Variants in CDH22 observed in about 807,000 individuals in gnomAD.
CDH22 encodes the protein cadherin-22.
A neutral mutation model predicts 58.4 loss-of-function variants in CDH22; 30 were observed. The ratio of observed to expected loss-of-function variants is 0.51; its 90% CI spans 0.38 to 0.70. The LOEUF (loss-of-function observed/expected upper bound fraction) is 0.70, where lower values mean the gene tolerates loss of function less well. CDH22 is among the 30% of genes least tolerant of loss of function. CDH22 has a pLI of 0.00. For synonymous variants in CDH22, 513 were observed against 558.2 expected (o/e 0.92, Z 1.14); for missense variants, 1,014 against 1,233.9 (o/e 0.82, Z 2.67).
chr20:46,261,437 A>C (rs983001906), intron 1 of CDH22, among the ~76,000 whole-genome samples: 7 of 152,224 alleles, frequency 4.6e-5, no homozygotes, highest in African/African-American at 1.7e-4. Context: ...GCCTGAGTCA[A>C]GAAGAGTGAA....
intron 11 of CDH22, 121 bp downstream of exon 11, chr20:46,177,825 G>C: frequency 7.8e-7 from 1 of 1,278,600 alleles, no homozygotes; most frequent in South Asian, 1.4e-5. Flanking sequence ...GAGATGGTTT[G>C]GCCAGCCCAT....
At chr20:46,180,916 A>G (rs1254860077) in intron 10 of CDH22, among the ~76,000 whole-genome samples, 3 of 133,592 alleles carry the variant, frequency 2.2e-5, no homozygotes, top group African/African-American at 8.8e-5. Flanking sequence ...TTTAATTTTT[A>G]AAGTTTGTTT....
intron 7 of CDH22, among the ~76,000 whole-genome samples, chr20:46,206,826 C>T (rs191866288): frequency 6.6e-6 from 1 of 152,334 alleles, no homozygotes; most frequent in East Asian, 1.9e-4. Context: ...TCTCTGCTTC[C>T]TCACTGCACA....
At chr20:46,223,699 TTC>T (rs1263736836) in intron 4 of CDH22, among the ~76,000 whole-genome samples, 1,267 of 75,350 alleles carry the variant, frequency 0.017, 9 homozygotes, top group Admixed American at 0.027. Context: ...CTTTCTTTCT[TTC>T]TTTCTTTCTT....
Position 46,174,854 on chromosome 20 carries a change from G to T in CDH22, c.2139C>A (p.Gly713=), listed in dbSNP as rs2085725838. The change falls in exon 12 of 12, where the codon GGC becomes GGA. Residue 713 remains glycine, a synonymous_variant. Coordinates refer to ENST00000537909, the MANE Select transcript of CDH22 (RefSeq NM_021248.3). The surrounding 1 kb of genome is among the most constrained non-coding windows in gnomAD (Gnocchi z 4.4). ...GGSAGGGAGG[G]SGGGAGSPPQ... is the part of the protein sequence containing the mutation. The stretch of plus-strand genomic sequence containing the variant: ...GGGGGCTGCCCGCGCCCCCGCCCGA[G>T]CCCCCGCCCGCTCCCCCGCCCGCGC... 8.1e-6 allele frequency: 9 copies of T among 1,113,860 alleles called. No homozygotes were observed. Among genetic ancestry groups the T allele is most frequent in the Non-Finnish European group, 1.0e-5 (9 of 858,922 alleles). The allele number at this position is 1,113,860 out of a possible 1,614,324, so 69.0% of individuals were successfully genotyped here.
intron 10 of CDH22, among the ~76,000 whole-genome samples, chr20:46,180,428 C>T (rs2085776314): frequency 6.6e-6 from 1 of 152,152 alleles, no homozygotes; most frequent in African/African-American, 2.4e-5. Context: ...AACTCTAGCT[C>T]TCCCCCCAAA....
chr20:46,295,307 T>C (rs1483863677), intron 1 of CDH22, among the ~76,000 whole-genome samples: 1 of 152,258 alleles, frequency 6.6e-6, no homozygotes, highest in Non-Finnish European at 1.5e-5. Flanking sequence ...GACAGGAAGC[T>C]GGCTGGACTC....
chr20:46,300,223 G>C lies in CDH22; in HGVS notation c.-400+8032C>G, dbSNP rs1393213995. Among the ~76,000 whole-genome samples, 1 of 152,086 alleles carries C rather than the reference G, an allele frequency of 6.6e-6. No individual in the cohort carries two copies. The highest frequency in any genetic ancestry group is 1.5e-5 in the Non-Finnish European group (1 of 68,004). The stretch of plus-strand genomic sequence containing the variant: ...CAGGCCTTGGCAACCTCCTGGCCTG[G>C]GGGGTGGGCTGCCTCTCCCAGGAAC... On this transcript the variant is annotated intron_variant, in intron 1 of 11. Coordinates refer to ENST00000537909, the MANE Select transcript of CDH22 (RefSeq NM_021248.3). The surrounding 1 kb of genome is among the most constrained non-coding windows in gnomAD (Gnocchi z 4.4).
chr20:46,240,850 G>C, intron 3 of CDH22, 113 bp downstream of exon 3: 1 of 985,702 alleles, frequency 1.0e-6, no homozygotes, highest in Non-Finnish European at 1.5e-6. Flanking sequence ...CCCTAGGTCA[G>C]CAGGCTCTGT....
intron 7 of CDH22, among the ~76,000 whole-genome samples, chr20:46,207,017 C>A (rs966829303): frequency 6.6e-6 from 1 of 152,160 alleles, no homozygotes; most frequent in African/African-American, 2.4e-5. Context: ...ATTTTTGTAC[C>A]CCACAGTCTG....
chr20:46,298,020 A>G (rs927180388), intron 1 of CDH22, among the ~76,000 whole-genome samples: 1 of 151,580 alleles, frequency 6.6e-6, no homozygotes, highest in Non-Finnish European at 1.5e-5. Flanking sequence ...CAAATGTCCC[A>G]CTCTGCACCC....
At chr20:46,280,898 C>G (rs781479285) in intron 1 of CDH22, among the ~76,000 whole-genome samples, 1 of 152,176 alleles carries the variant, frequency 6.6e-6, no homozygotes, top group Non-Finnish European at 1.5e-5. Flanking sequence ...CTGGCTTAAC[C>G]CTGAATGCTG....
chr20:46,243,884 A>C (rs1011157579), intron 2 of CDH22, among the ~76,000 whole-genome samples: 4 of 152,190 alleles, frequency 2.6e-5, no homozygotes, highest in Non-Finnish European at 5.9e-5. Context: ...CTCAGGTTAG[A>C]AAACTGAGGC....
At chr20:46,307,618 C>T (rs2059029893) in intron 1 of CDH22, among the ~76,000 whole-genome samples, 1 of 152,062 alleles carries the variant, frequency 6.6e-6, no homozygotes, top group South Asian at 2.1e-4. Flanking sequence ...GTGGGGCCGG[C>T]AGGGGTCCCT....
At chr20:46,176,844 G>A (rs1460100803) in intron 11 of CDH22, among the ~76,000 whole-genome samples, 4 of 152,270 alleles carry the variant, frequency 2.6e-5, no homozygotes, top group Admixed American at 6.5e-5. Flanking sequence ...TGAGGTTTGC[G>A]GGTGGCGGGC....
intron 1 of CDH22, among the ~76,000 whole-genome samples, chr20:46,287,014 T>G (rs1026186321): frequency 2.0e-5 from 3 of 152,180 alleles, no homozygotes; most frequent in African/African-American, 7.2e-5. Context: ...AATAAACATT[T>G]ACTAAGCCCT....
chr20:46,210,418 G>T lies in CDH22; in HGVS notation c.1175C>A (p.Pro392His). The change falls in exon 7 of 12, where the codon CCC (proline) becomes CAC (histidine). Residue 392 changes from proline (P) to histidine (H), a missense_variant. Around this residue, in one of 2 missense-constraint regions of CDH22, gnomAD observed 806 missense variants for 1,038.7 expected, o/e 0.78. Transcript: ENST00000537909. This position sits in a 1 kb window ranked among gnomAD's most constrained non-coding sequence, Gnocchi z 4.5. ...GAGGCCGGAGGGCGGCCGGAACTCGGGGGGCTCGTCCACGTCGGTCACGGC... is the reference window on the plus strand; with the variant it reads ...GAGGCCGGAGGGCGGCCGGAACTCGTGGGGCTCGTCCACGTCGGTCACGGC... ...RVAVTDVDEP[P>H]EFRPPSGLLE... 6.9e-7 allele frequency: 1 copy of T among 1,459,542 alleles called. No individual in the cohort carries two copies. Among genetic ancestry groups the T allele is most frequent in the Admixed American group, 2.7e-5 (1 of 37,162 alleles). The allele number at this position is 1,459,542 out of a possible 1,614,324, so 90.4% of individuals were successfully genotyped here. A position where few individuals can be genotyped will look rare whatever the true frequency, so the allele number is the denominator to read the frequency against.
At chr20:46,278,082 A>G (rs1166926321) in intron 1 of CDH22, among the ~76,000 whole-genome samples, 1 of 151,256 alleles carries the variant, frequency 6.6e-6, no homozygotes, top group Non-Finnish European at 1.5e-5. Flanking sequence ...GGAGGAGGAG[A>G]AGGAGGAGGA....
intron 10 of CDH22, among the ~76,000 whole-genome samples, chr20:46,181,756 T>TTCCTTCCTTCCTTCCTTCCTTCCTTCC (rs1410990843): frequency 7.2e-5 from 2 of 27,712 alleles, no homozygotes; most frequent in African/African-American, 3.1e-4. Context: ...TCCTTCCTTC[T>TTCCTTCCTTCCTTCCTTCCTTCCTTCC]TTCTTTCTTT....
Sources: allele counts gnomAD v4.1 joint callset (sites outside exome capture counted in the v4.1 genomes callset), GRCh38; gene constraint gnomAD v4.1.1; regional missense constraint gnomAD v4.1.1; non-coding constraint Gnocchi (gnomAD v3.1); transcripts MANE v1.5; gene names NCBI Gene and HGNC (gene_info 2026-07-23, HGNC 2026-07-21).